ANKRD36C: variants seen among roughly 807,000 people sequenced by gnomAD.
The protein encoded by ANKRD36C is ankyrin repeat domain-containing protein 36C.
Under a neutral mutation model 276.4 loss-of-function variants are expected in ANKRD36C, and 61 were observed. That is an observed-to-expected ratio of 0.22 (90% CI 0.18 to 0.27). The LOEUF (loss-of-function observed/expected upper bound fraction) is 0.27. Among genes scored for constraint, ANKRD36C ranks in the 10% least tolerant of loss-of-function variants. The probability of loss-of-function intolerance (pLI) is 1.00; values close to 1 mark genes in which losing one functional copy is unlikely to be tolerated. For missense variants in ANKRD36C, 1,447 were observed against 2,032.3 expected (o/e 0.71, Z 5.54); for synonymous variants, 483 against 680.1 (o/e 0.71, Z 4.51).
intron 12 of ANKRD36C, among the ~76,000 whole-genome samples, chr2:95,958,303 G>T (rs1278870524): frequency 2.0e-5 from 3 of 151,962 alleles, no homozygotes; most frequent in Non-Finnish European, 4.4e-5. Context: ...ATACGCTGTA[G>T]AATTAAAGCA....
At chr2:95,952,385 C>CAG (rs370033799) in intron 14 of ANKRD36C, among the ~76,000 whole-genome samples, 13 of 150,582 alleles carry the variant, frequency 8.6e-5, no homozygotes, top group African/African-American at 4.9e-5. Context: ...ATTCTTACTA[C>CAG]AGAGAGAGAG....
chr2:95,897,209 C>A (rs926687391), intron 44 of ANKRD36C, 61 bp downstream of exon 60: 9 of 1,262,882 alleles, frequency 7.1e-6, no homozygotes, highest in Admixed American at 2.6e-5. Context: ...GATTTATTCA[C>A]GGAAGAGAAT....
At chr2:95,865,252 G>T (rs1376376287) in intron 60 of ANKRD36C, among the ~76,000 whole-genome samples, 2 of 151,832 alleles carry the variant, frequency 1.3e-5, no homozygotes, top group African/African-American at 4.8e-5. Flanking sequence ...GAGTAGATTC[G>T]CTATTGTTAA....
At chr2:95,916,431 A>T (rs988955409) in intron 36 of ANKRD36C, among the ~76,000 whole-genome samples, 1 of 151,642 alleles carries the variant, frequency 6.6e-6, no homozygotes, top group Admixed American at 6.6e-5. Context: ...AACCGTGTCA[A>T]TATCAAGGTG....
chr2:95,869,147 A>G (rs1204562981), intron 59 of ANKRD36C, among the ~76,000 whole-genome samples: 1 of 152,226 alleles, frequency 6.6e-6, no homozygotes, highest in Non-Finnish European at 1.5e-5. Flanking sequence ...AAAGAGAAAA[A>G]TTAAAAAATA....
chr2:95,991,687 T>C (rs1679146953), exon 1 of ANKRD36C: 2 of 1,613,626 alleles, frequency 1.2e-6, no homozygotes, highest in Middle Eastern at 3.3e-4. Context: ...GTGGGCCACC[T>C]CTTCGGCTCC....
chr2:95,948,788 C>T (rs1249727317), intron 16 of ANKRD36C, among the ~76,000 whole-genome samples, 192 bp from the exon 17 acceptor site: 2 of 152,070 alleles, frequency 1.3e-5, no homozygotes, highest in African/African-American at 4.8e-5. Flanking sequence ...GAAAACATTT[C>T]AGTTACCTAT....
chr2:95,883,254 T>C (rs1409677146), intron 54 of ANKRD36C, among the ~76,000 whole-genome samples: 1 of 152,110 alleles, frequency 6.6e-6, no homozygotes, highest in Non-Finnish European at 1.5e-5. Flanking sequence ...GCATTAGATA[T>C]GAATAACCTT....
intron 6 of ANKRD36C, among the ~76,000 whole-genome samples, chr2:95,975,184 G>A (rs181223260): frequency 3.7e-4 from 57 of 152,198 alleles, no homozygotes; most frequent in African/African-American, 1.1e-3. Flanking sequence ...AATCAATATC[G>A]TGAAAATGGC....
At chr2:95,976,872 A>G (rs1678822476) in intron 6 of ANKRD36C, among the ~76,000 whole-genome samples, 1 of 151,826 alleles carries the variant, frequency 6.6e-6, no homozygotes, top group African/African-American at 2.4e-5. Flanking sequence ...TATTTTTGCA[A>G]CATCACTTCC....
intron 24 of ANKRD36C, among the ~76,000 whole-genome samples, chr2:95,933,958 G>C (rs368932332): frequency 0.012 from 1,508 of 120,740 alleles, no homozygotes; most frequent in African/African-American, 0.023. Flanking sequence ...TGAAGGATAT[G>C]CTCAAAAGAA....
chr2:95,944,742 A>T, intron 18 of ANKRD36C, 48 bp from the exon 19 acceptor site: 1 of 1,529,378 alleles, frequency 6.5e-7, no homozygotes, highest in Non-Finnish European at 8.8e-7. Flanking sequence ...TGTAATTAAG[A>T]ATCAGTAAAT....
At chr2:95,886,693 G>A (rs911538828) in intron 50 of ANKRD36C, among the ~76,000 whole-genome samples, 1 of 151,710 alleles carries the variant, frequency 6.6e-6, no homozygotes, top group African/African-American at 2.4e-5. Flanking sequence ...CAATAACTGA[G>A]AAGGTACACA....
intron 32 of ANKRD36C, 63 bp from the exon 33 acceptor site, chr2:95,921,873 G>A (rs1338340009): frequency 2.3e-5 from 34 of 1,508,500 alleles, no homozygotes; most frequent in South Asian, 3.8e-5. Flanking sequence ...ACATTCATGC[G>A]GTGTTAGCAT....
chr2:95,867,388 A>C (rs1573727237), intron 60 of ANKRD36C, 52 bp downstream of exon 80: 2 of 648,868 alleles, frequency 3.1e-6, no homozygotes, highest in East Asian at 5.5e-5. Context: ...CAATGTGTGC[A>C]TACATTGCTA....
At chr2:95,965,679 A>T (rs1423483747) in intron 6 of ANKRD36C, among the ~76,000 whole-genome samples, 1 of 152,124 alleles carries the variant, frequency 6.6e-6, no homozygotes, top group Admixed American at 6.6e-5. Flanking sequence ...TATGGTATCA[A>T]CATGAAGAGA....
intron 46 of ANKRD36C, 113 bp downstream of exon 66, chr2:95,891,552 G>T: frequency 7.6e-7 from 1 of 1,319,650 alleles, no homozygotes; most frequent in South Asian, 1.4e-5. Flanking sequence ...AGAATCTCAG[G>T]ACTGCTGTAT....
In ANKRD36C at chr2:95,960,407, T is replaced by C. The variant is rs1678428581; in HGVS notation, c.1003+66A>G. 1.3e-5 allele frequency: 20 copies of C among 1,527,636 alleles called. No homozygotes were observed. In the South Asian group the frequency reaches 2.2e-4, roughly 16 times the overall value. 94.6% of individuals were successfully genotyped at this position (1,527,636 alleles called of 1,614,324 possible). A position where few individuals can be genotyped will look rare whatever the true frequency, so the allele number is the denominator to read the frequency against. On this transcript the variant is annotated intron_variant, in intron 10 of 66. Coordinates refer to ENST00000456556, the Ensembl canonical transcript of ANKRD36C. ...CTTCAATGAGCCCCCTGCTGATTTATTCGGGGAAGGGAAGTTCTCCTCTAT... is the reference window on the plus strand; with the variant it reads ...CTTCAATGAGCCCCCTGCTGATTTACTCGGGGAAGGGAAGTTCTCCTCTAT...
chr2:95,923,998 C>A (rs1056062189), intron 30 of ANKRD36C, among the ~76,000 whole-genome samples: 2 of 151,644 alleles, frequency 1.3e-5, no homozygotes, highest in Admixed American at 6.6e-5. Flanking sequence ...ATCAGAGGAG[C>A]AACTCATACA....
Sources: gnomAD v4.1 joint callset for allele counts (sites outside exome capture counted in the v4.1 genomes callset) on GRCh38, gnomAD v4.1.1 for gene constraint, MANE v1.5 for transcripts, NCBI Gene and HGNC (gene_info 2026-07-23, HGNC 2026-07-21) for gene names.